PDE11A: variants seen among roughly 807,000 people sequenced by gnomAD.
PDE11A encodes the protein dual 3',5'-cyclic-AMP and -GMP phosphodiesterase 11A.
In PDE11A, 100 loss-of-function variants were observed where a neutral mutation model predicts 100.5. The observed-to-expected ratio is 1.00, with a 90% CI of 0.85 to 1.18. The LOEUF is 1.18. Among genes scored for constraint, PDE11A ranks in the 50% most tolerant of loss-of-function variants. The pLI, the probability that PDE11A is intolerant of heterozygous loss-of-function variation, is 0.00. For synonymous variants in PDE11A, 381 were observed against 420.8 expected (o/e 0.91, Z 1.16); for missense variants, 1,141 against 1,152.6 (o/e 0.99, Z 0.15).
chr2:177,807,011 TA>T (rs1400410590), intron 9 of PDE11A, among the ~76,000 whole-genome samples: 1 of 152,094 alleles, frequency 6.6e-6, no homozygotes, highest in Non-Finnish European at 1.5e-5. Flanking sequence ...GAAAAGATAT[TA>T]GCCAAGTATT....
At chr2:177,936,211 T>C (rs1286734860) in intron 2 of PDE11A, among the ~76,000 whole-genome samples, 5 of 152,232 alleles carry the variant, frequency 3.3e-5, no homozygotes, top group South Asian at 2.1e-4. Flanking sequence ...TAATAAAGAA[T>C]GTTCTTTTAC....
chr2:177,716,291 T>C (rs1356132414), intron 12 of PDE11A, among the ~76,000 whole-genome samples: 1 of 152,166 alleles, frequency 6.6e-6, no homozygotes, highest in Admixed American at 6.5e-5. Context: ...CATCACTCCC[T>C]CATTCCACAT....
chr2:178,051,275 G>A (rs886953871), intron 1 of PDE11A, among the ~76,000 whole-genome samples: 1 of 152,168 alleles, frequency 6.6e-6, no homozygotes, highest in Admixed American at 6.5e-5. Flanking sequence ...AAGTGAAGGA[G>A]AAATAAAATC....
At chr2:177,724,682 C>G (rs1178985810) in intron 12 of PDE11A, among the ~76,000 whole-genome samples, 1 of 152,130 alleles carries the variant, frequency 6.6e-6, no homozygotes, top group Non-Finnish European at 1.5e-5. Flanking sequence ...GGGAGATGCT[C>G]TTTTCCGACA....
At chr2:177,824,007 G>T (rs989731675) in intron 6 of PDE11A, among the ~76,000 whole-genome samples, 7 of 152,146 alleles carry the variant, frequency 4.6e-5, no homozygotes, top group Admixed American at 2.0e-4. Context: ...AGCTGGTGGT[G>T]AGAAAAACAA....
At chr2:177,842,507 C>A (rs1558966945) in intron 5 of PDE11A, among the ~76,000 whole-genome samples, 1 of 152,198 alleles carries the variant, frequency 6.6e-6, no homozygotes, top group African/African-American at 2.4e-5. Context: ...GAGGCCTTGA[C>A]CAAGTTGCTG....
At chr2:178,052,190 G>C (rs996879937) in intron 1 of PDE11A, among the ~76,000 whole-genome samples, 2 of 152,170 alleles carry the variant, frequency 1.3e-5, no homozygotes, top group Non-Finnish European at 2.9e-5. Flanking sequence ...AATCAAATTA[G>C]AACTCAGGAT....
chr2:177,968,807 T>C (rs1472231032), intron 2 of PDE11A, among the ~76,000 whole-genome samples: 1 of 152,228 alleles, frequency 6.6e-6, no homozygotes, highest in African/African-American at 2.4e-5. Flanking sequence ...GGAACACTTG[T>C]ACACTGTTGG....
chr2:177,675,684 T>C (rs903144938), intron 16 of PDE11A, 166 bp from the exon 17 acceptor site: 1 of 709,460 alleles, frequency 1.4e-6, no homozygotes. Context: ...GTGTTCAGCA[T>C]CTCCATCATG....
intron 9 of PDE11A, among the ~76,000 whole-genome samples, chr2:177,779,924 G>A (rs985385755): frequency 6.6e-6 from 1 of 152,126 alleles, no homozygotes; most frequent in African/African-American, 2.4e-5. Context: ...CACTATGTAT[G>A]GCAGCTACAG....
rs535123108 is a variant in PDE11A, at chr2:177,993,452, T to C, written c.1071+20850A>G. On this transcript the variant is annotated intron_variant, in intron 2 of 19. Coordinates refer to ENST00000286063, the MANE Select transcript of PDE11A (RefSeq NM_016953.4). ...GTCCCCTTGCTTTCTAAGATTTTCA[T>C]ATATTCAGTGTGCATGGTTCTTAAA... is the stretch of plus-strand genomic sequence containing the variant. Among the ~76,000 whole-genome samples the C allele has an allele frequency of 5.9e-5, 9 of 152,360 alleles. No homozygotes were observed. The East Asian group carries it at 1.7e-3, about 29-fold the overall frequency.
intron 13 of PDE11A, among the ~76,000 whole-genome samples, chr2:177,707,859 A>G (rs367934800): frequency 1.3e-5 from 2 of 152,174 alleles, no homozygotes; most frequent in South Asian, 2.1e-4. Context: ...GTATCTGAGT[A>G]TAAGTATTGG....
At chr2:177,830,647 A>C (rs928018586) in intron 6 of PDE11A, among the ~76,000 whole-genome samples, 23 of 128,854 alleles carry the variant, frequency 1.8e-4, no homozygotes, top group African/African-American at 4.2e-4. Flanking sequence ...TAATAATAAT[A>C]ATCAGGTGTT....
At chr2:177,746,832 T>C (rs2081955615) in intron 10 of PDE11A, among the ~76,000 whole-genome samples, 1 of 152,144 alleles carries the variant, frequency 6.6e-6, no homozygotes, top group South Asian at 2.1e-4. Context: ...ATGGTGAGAA[T>C]GAAACTTGCA....
intron 13 of PDE11A, among the ~76,000 whole-genome samples, chr2:177,708,357 T>C (rs2081310922): frequency 6.6e-6 from 1 of 152,214 alleles, no homozygotes; most frequent in African/African-American, 2.4e-5. Context: ...CTGAAGGCTA[T>C]TATCCTTAGC....
chr2:177,868,829 T>C (rs551605869), intron 5 of PDE11A, among the ~76,000 whole-genome samples: 19 of 152,264 alleles, frequency 1.2e-4, no homozygotes, highest in Non-Finnish European at 2.1e-4. Flanking sequence ...CTCATATTCC[T>C]TCCTAAAGTG....
intron 10 of PDE11A, among the ~76,000 whole-genome samples, chr2:177,763,050 A>C (rs2082191437): frequency 6.6e-6 from 1 of 152,222 alleles, no homozygotes; most frequent in Non-Finnish European, 1.5e-5. Flanking sequence ...ATTAAGACAC[A>C]ATTCATACAG....
At chr2:178,073,014 C>G (rs1367645835), upstream of PDE11A, 45 of 985,246 alleles carry the variant, frequency 4.6e-5, no homozygotes, top group Non-Finnish European at 5.2e-5. Flanking sequence ...GTTCCTTCCC[C>G]GCTTCTTGCT....
At chr2:177,726,497 A>G (rs2081601091) in intron 12 of PDE11A, among the ~76,000 whole-genome samples, 2 of 152,096 alleles carry the variant, frequency 1.3e-5, no homozygotes, top group Non-Finnish European at 2.9e-5. Context: ...TTTGTAACTT[A>G]AAATACACAG....
Sources: allele counts gnomAD v4.1 joint callset (sites outside exome capture counted in the v4.1 genomes callset), GRCh38; gene constraint gnomAD v4.1.1; transcripts MANE v1.5; gene names NCBI Gene and HGNC (gene_info 2026-07-23, HGNC 2026-07-21).